Variants in MXRA5 observed in about 807,000 individuals in gnomAD.
MXRA5 encodes matrix remodeling associated 5.
MXRA5 carries 41 observed loss-of-function variants against 112.5 expected under a neutral mutation model. The ratio of observed to expected loss-of-function variants is 0.36; its 90% CI spans 0.28 to 0.47. MXRA5 has a LOEUF of 0.47. Ranked by LOEUF, MXRA5 falls within the 20% of genes least tolerant of loss-of-function variation. The pLI is 0.99. For missense variants in MXRA5, 2,150 were observed against 2,251.0 expected (o/e 0.96, Z 0.91); for synonymous variants, 862 against 900.8 (o/e 0.96, Z 0.77).
intron 4 of MXRA5, among the ~76,000 whole-genome samples, chrX:3,327,029 C>T (rs1219266992): frequency 2.7e-5 from 3 of 111,014 alleles, no homozygotes; most frequent in Non-Finnish European, 5.7e-5. Context: ...GAATCTCGTG[C>T]CTGTTCTATC....
intron 6 of MXRA5, among the ~76,000 whole-genome samples, chrX:3,312,977 A>G (rs887008224): frequency 1.5e-4 from 17 of 112,671 alleles, no homozygotes; most frequent in African/African-American, 5.2e-4. Flanking sequence ...GCAATGATTA[A>G]CAATGACCAT....
intron 4 of MXRA5, among the ~76,000 whole-genome samples, chrX:3,329,687 C>T (rs1364898444): frequency 9.0e-6 from 1 of 111,672 alleles, no homozygotes; most frequent in Non-Finnish European, 1.9e-5. Flanking sequence ...CCTTCCCAGT[C>T]CCAGTTTCCC....
Position 3,317,689 on chromosome X carries a change from CGGG to C in MXRA5, c.5989_5991del (p.Pro1997del), listed in dbSNP as rs1434692305. 1 of 1,202,189 alleles carries C rather than the reference CGGG, an allele frequency of 8.3e-7. No individual in the cohort carries two copies. The highest frequency in any genetic ancestry group is 1.8e-5 in the South Asian group (1 of 55,481). ...TCGTGCAGGGTGATGCGGCCCTCCA[CGGG>C]GGACACAGTTTGCCACACCCTCCTG... On this transcript the variant is annotated inframe_deletion, in exon 6 of 7. Coordinates refer to ENST00000217939, the MANE Select transcript of MXRA5 (RefSeq NM_015419.4).
chrX:3,346,559 C>A lies in MXRA5; in HGVS notation c.-73G>T. On this transcript the variant is annotated 5_prime_UTR_variant, in exon 1 of 7. An upstream start codon of the reference 5' UTR is lost. Coordinates refer to ENST00000217939, the MANE Select transcript of MXRA5 (RefSeq NM_015419.4). ...GCACACGGGAGCGGTGCGCCGGGAGCATCCACCGAGCCGGGGCGCGCGAGT... is the reference window on the plus strand; with the variant it reads ...GCACACGGGAGCGGTGCGCCGGGAGAATCCACCGAGCCGGGGCGCGCGAGT... The A allele has an allele frequency of 1.3e-6, 1 of 754,883 alleles. No homozygotes were observed. The highest frequency in any genetic ancestry group is 1.6e-6 in the Non-Finnish European group (1 of 639,426). The allele number at this position is 754,883 out of a possible 1,213,427, so 62.2% of individuals were successfully genotyped here. A position where few individuals can be genotyped will look rare whatever the true frequency, so the allele number is the denominator to read the frequency against.
At position 3,318,153 on chromosome X, in the gene MXRA5, G is replaced by GTT. The variant is rs34860719; in HGVS notation, c.5678-152_5678-151dup. 2.5e-3 allele frequency: 1,130 copies of GTT among 452,796 alleles called. 9 individuals carry two copies. The African/African-American group carries it at 0.025, about 10-fold the overall frequency. The allele number at this position is 452,796 out of a possible 1,213,427, so 37.3% of individuals were successfully genotyped here. ...GTAGAATGTTTTAGTGTTTTTAAAA[G>GTT]TTTTTTTTATATTTATTTTATTCGT... On this transcript the variant is annotated intron_variant, in intron 5 of 6. Coordinates refer to ENST00000217939, the MANE Select transcript of MXRA5 (RefSeq NM_015419.4).
chrX:3,330,469 A>G, intron 3 of MXRA5, 61 bp from the exon 4 acceptor site: 4 of 1,129,050 alleles, frequency 3.5e-6, no homozygotes, highest in Non-Finnish European at 4.7e-6. Context: ...TTAAAAAGCC[A>G]CAACCACAAA....
chrX:3,346,451 T>C (rs747213409), intron 1 of MXRA5, 64 bp downstream of exon 1: 336 of 702,150 alleles, frequency 4.8e-4, no homozygotes, highest in Middle Eastern at 1.7e-3. Flanking sequence ...GTGTCTCAAA[T>C]CCCTTCACCC....
intron 2 of MXRA5, among the ~76,000 whole-genome samples, chrX:3,339,445 T>C (rs756241400): frequency 9.1e-6 from 1 of 110,364 alleles, no homozygotes; most frequent in African/African-American, 3.3e-5. Context: ...TTTTGAATTT[T>C]TTAGTAGAGA....
Position 3,320,789 on chromosome X carries a change from G to A in MXRA5, c.4896C>T (p.Tyr1632=), listed in dbSNP as rs76535805. The A allele has an allele frequency of 5.5e-4, 662 of 1,210,560 alleles. 8 individuals carry two copies. The East Asian group carries it at 0.019, about 35-fold the overall frequency. The change falls in exon 5 of 7, where the codon TAC becomes TAT. Residue 1632 remains tyrosine (Y), a synonymous_variant. Coordinates refer to ENST00000217939, the MANE Select transcript of MXRA5 (RefSeq NM_015419.4). ...PEMSTQSASR[Y]FVTSQSPRHW... is the part of the protein sequence containing the mutation. ...GACGAGGTGACTGGGAAGTTACAAAGTATCTGGAAGCGCTTTGTGTGGACA... is the reference window on the plus strand; with the variant it reads ...GACGAGGTGACTGGGAAGTTACAAAATATCTGGAAGCGCTTTGTGTGGACA...
chrX:3,312,340 G>T (rs1382954831), intron 6 of MXRA5, among the ~76,000 whole-genome samples: 2 of 111,953 alleles, frequency 1.8e-5, no homozygotes, highest in Non-Finnish European at 3.8e-5. Flanking sequence ...TTACAAAAAG[G>T]TTTAACAGAG....
intron 4 of MXRA5, among the ~76,000 whole-genome samples, chrX:3,326,940 T>C (rs2146926015): frequency 8.9e-6 from 1 of 111,950 alleles, no homozygotes; most frequent in African/African-American, 3.2e-5. Context: ...CTCTTTGACA[T>C]GTCTATTTAG....
rs1371531842 is a variant in MXRA5 at position 3,320,867 on chromosome X, G to C, written c.4818C>G (p.Thr1606=). The stretch of plus-strand genomic sequence containing the variant: ...GTAGGATGGGTTTGGCAGGGACTCT[G>C]GTTAGTTGATGAGAAGCATGAACTC... ...DGRVHASHQL[T]RVPAKPILPT... is the part of the protein sequence containing the mutation. Residue 1606 remains threonine (T), a synonymous_variant, in exon 5 of 7, where the codon ACC becomes ACG. Transcript: ENST00000217939. The C allele has an allele frequency of 8.3e-7, 1 of 1,210,091 alleles. No homozygotes were observed. The highest frequency in any genetic ancestry group is 1.1e-6 in the Non-Finnish European group (1 of 895,298).
intron 5 of MXRA5, among the ~76,000 whole-genome samples, chrX:3,318,706 T>C (rs1002808962): frequency 2.0e-4 from 22 of 111,713 alleles, no homozygotes; most frequent in African/African-American, 6.8e-4. Flanking sequence ...GGAAATGACG[T>C]CAGTATGTTG....
intron 5 of MXRA5, among the ~76,000 whole-genome samples, chrX:3,319,649 A>C (rs1174554522): frequency 8.9e-6 from 1 of 111,778 alleles, no homozygotes; most frequent in Non-Finnish European, 1.9e-5. Flanking sequence ...GATAGGACAA[A>C]TAGACACTTG....
intron 2 of MXRA5, among the ~76,000 whole-genome samples, chrX:3,337,575 TC>T (rs1321449421): frequency 2.7e-5 from 3 of 112,152 alleles, no homozygotes; most frequent in Non-Finnish European, 5.6e-5. Context: ...CTATCATCTA[TC>T]AAGCATCTAT....
chrX:3,341,175 A>AATATATATAATATATAATTATT (rs1256566222), intron 2 of MXRA5, among the ~76,000 whole-genome samples: 13 of 10,474 alleles, frequency 1.2e-3, no homozygotes, highest in Non-Finnish European at 4.5e-3. Flanking sequence ...TTATATACAT[A>AATATATATAATATATAATTATT]ATATATATAA....
chrX:3,323,068 T>A lies in MXRA5; in HGVS notation c.2617A>T (p.Ile873Phe), dbSNP rs773876362. ...CTTGTTACTTCAGGTTCAACAAGAA[T>A]AACTCCATTGTGGTTGTGTTCTAGC... ...MGLEHNHNGV[I>F]LVEPEVTSTP... Residue 873 changes from isoleucine to phenylalanine, a missense_variant, in exon 5 of 7, where the codon ATT (isoleucine) becomes TTT (phenylalanine). Transcript: ENST00000217939. 6 of 1,211,914 alleles carry A rather than the reference T, an allele frequency of 5.0e-6. No homozygotes were observed. In the South Asian group the frequency reaches 1.1e-4, roughly 21 times the overall value.
chrX:3,338,146 C>G (rs1302246292), intron 2 of MXRA5, among the ~76,000 whole-genome samples: 1 of 111,159 alleles, frequency 9.0e-6, no homozygotes, highest in African/African-American at 3.3e-5. Context: ...GATCTTCAGA[C>G]AGAGGAGATA....
chrX:3,320,626 A>T lies in MXRA5; in HGVS notation c.5059T>A (p.Phe1687Ile), dbSNP rs1181070154. The change falls in exon 5 of 7, where the codon TTT becomes ATT. Residue 1687 changes from phenylalanine to isoleucine, a missense_variant. Transcript: ENST00000217939. ...AATTGGTCAGTTCTTCGGTCAGTAA[A>T]CTTACTAGGAATGCTGGGTTTGGAC... ...HMSKPSIPSK[F>I]TDRRTDQFNG... is the part of the protein sequence containing the mutation. 1.7e-6 allele frequency: 2 copies of T among 1,211,525 alleles called. No individual in the cohort carries two copies. The highest frequency in any genetic ancestry group is 2.2e-6 in the Non-Finnish European group (2 of 895,282).
Sources: gnomAD v4.1 joint callset for allele counts (sites outside exome capture counted in the v4.1 genomes callset) on GRCh38, gnomAD v4.1.1 for gene constraint, MANE v1.5 for transcripts, NCBI Gene and HGNC (gene_info 2026-07-23, HGNC 2026-07-21) for gene names.